The following DLG5 variants were observed in gnomAD, a reference collection of about 807,000 sequenced individuals.
DLG5 encodes the protein discs large MAGUK scaffold protein 5, also known as disks large homolog 5.
In DLG5, 48 loss-of-function variants were observed where a neutral mutation model predicts 189.8. The observed-to-expected ratio is 0.25, with a 90% CI of 0.20 to 0.32. The LOEUF is 0.32. Among genes scored for constraint, DLG5 ranks in the 10% least tolerant of loss-of-function variants. The pLI is 1.00. For synonymous variants in DLG5, 1,016 were observed against 1,054.1 expected (o/e 0.96, Z 0.70); for missense variants, 2,160 against 2,544.7 (o/e 0.85, Z 3.25).
chr10:77,810,310 G>A lies in DLG5; in HGVS notation c.4464-580C>T, dbSNP rs147857155. Among the ~76,000 whole-genome samples the A allele has an allele frequency of 4.0e-3, 602 of 152,320 alleles. 3 individuals carry two copies. The highest frequency in any genetic ancestry group is 0.024 in the Middle Eastern group (7 of 294). On this transcript the variant is annotated intron_variant, in intron 23 of 31. Coordinates refer to ENST00000372391, the MANE Select transcript of DLG5 (RefSeq NM_004747.4). ...GGGGCTTCAGGGGAGATGCCAGCCCGGGAGGAAAACCTTGCAGCAGGTAAG... is the reference window on the plus strand; with the variant it reads ...GGGGCTTCAGGGGAGATGCCAGCCCAGGAGGAAAACCTTGCAGCAGGTAAG...
intron 1 of DLG5, among the ~76,000 whole-genome samples, chr10:77,871,803 A>G (rs1844912955): frequency 6.6e-6 from 1 of 152,016 alleles, no homozygotes. Context: ...TCAGCCTCCC[A>G]AAGTGCTAGG....
chr10:77,820,167 G>C, intron 15 of DLG5, 149 bp from the exon 16 acceptor site: 3 of 1,069,930 alleles, frequency 2.8e-6, no homozygotes, highest in Non-Finnish European at 3.9e-6. Context: ...CCAACATGGC[G>C]AAATCCCGTC....
chr10:77,934,867 T>C, the DLG5 span, among the ~76,000 whole-genome samples: 7 of 150,786 alleles, frequency 4.6e-5, no homozygotes, highest in African/African-American at 1.7e-4. Context: ...TTTGTTTTTT[T>C]TTTTTTTTGA....
chr10:77,798,681 G>A (rs1483370610), intron 27 of DLG5, among the ~76,000 whole-genome samples: 2 of 152,140 alleles, frequency 1.3e-5, no homozygotes, highest in Non-Finnish European at 2.9e-5. Context: ...GTCGTGGGCC[G>A]CTCTGCTCCT....
intron 13 of DLG5, among the ~76,000 whole-genome samples, chr10:77,827,162 T>C (rs1224346561): frequency 6.6e-6 from 1 of 152,190 alleles, no homozygotes; most frequent in African/African-American, 2.4e-5. Flanking sequence ...TTGTCACGAT[T>C]TGCCTTTTGT....
chr10:77,801,866 G>A (rs1841222771), intron 27 of DLG5, among the ~76,000 whole-genome samples: 1 of 152,190 alleles, frequency 6.6e-6, no homozygotes, highest in African/African-American at 2.4e-5. Context: ...AACAAAAGAA[G>A]CGATGATTCA....
chr10:77,829,085 G>A (rs1398414540), intron 12 of DLG5, 100 bp from the exon 13 acceptor site: 9 of 1,342,414 alleles, frequency 6.7e-6, no homozygotes, highest in South Asian at 1.3e-5. Flanking sequence ...AAAAGAGGAT[G>A]TCAGCAGGCT....
In DLG5 at chr10:77,793,744, C is replaced by T. The variant is rs1451219721; in HGVS notation, c.5656+264G>A. 78 of 511,424 alleles carry T rather than the reference C, an allele frequency of 1.5e-4. No homozygotes were observed. The Admixed American group carries it at 2.6e-3, about 17-fold the overall frequency. 31.7% of individuals were successfully genotyped at this position (511,424 alleles called of 1,614,324 possible). ...AACTGCACCTGTGCTATGAGACAGA[C>T]CCACCACTGCACGTGTGAAAATGAG... is the stretch of plus-strand genomic sequence containing the variant. On this transcript the variant is annotated intron_variant, in intron 31 of 31. Transcript: ENST00000372391.
At chr10:77,814,489 A>T (rs906625553) in intron 20 of DLG5, among the ~76,000 whole-genome samples, 29 of 113,812 alleles carry the variant, frequency 2.5e-4, no homozygotes, top group African/African-American at 1.5e-3. Context: ...ATATATATAT[A>T]TATATATATA....
At position 77,842,074 on chromosome 10, in the gene DLG5, G is replaced by A; in HGVS notation, c.1244C>T (p.Ala415Val). 1 of 1,614,024 alleles carries A rather than the reference G, an allele frequency of 6.2e-7. No homozygotes were observed. Among genetic ancestry groups the A allele is most frequent in the Non-Finnish European group, 8.5e-7 (1 of 1,180,048 alleles). Residue 415 changes from alanine to valine, a missense_variant, in exon 7 of 32, where the codon GCA (alanine) becomes GTA (valine). By Grantham distance (64) the Ala-to-Val change is moderately conservative (BLOSUM62 0). Coordinates refer to ENST00000372391, the MANE Select transcript of DLG5 (RefSeq NM_004747.4). ...CTCCCTGTATTTCTCCGACTCCTTT[G>A]CTGTCTTCACCTGCGTGGTTCTCAG... Reference protein sequence around the residue: ...TELRTTQVKTAKESEKYREER... With the variant: ...TELRTTQVKTVKESEKYREER...
At chr10:77,911,966 AGGAG>A (rs1209285419) in intron 1 of DLG5, among the ~76,000 whole-genome samples, 3 of 150,732 alleles carry the variant, frequency 2.0e-5, no homozygotes, top group African/African-American at 7.3e-5. Context: ...TGGGAGGCTG[AGGAG>A]GGAGGATCAC....
intron 1 of DLG5, among the ~76,000 whole-genome samples, chr10:77,879,084 T>C (rs982466128): frequency 6.6e-6 from 1 of 151,916 alleles, no homozygotes; most frequent in African/African-American, 2.4e-5. Context: ...ACATAAACTG[T>C]ATTGGGTAGT....
chr10:77,843,814 G>T (rs997287646), intron 5 of DLG5, 108 bp from the exon 6 acceptor site: 1 of 1,438,006 alleles, frequency 7.0e-7, no homozygotes. Flanking sequence ...CAAGGCGGTT[G>T]GGGGGAGGGG....
chr10:77,922,204 A>G (rs893252558), intron 1 of DLG5, among the ~76,000 whole-genome samples: 1 of 152,142 alleles, frequency 6.6e-6, no homozygotes, highest in Non-Finnish European at 1.5e-5. Flanking sequence ...GCTCCCGGTG[A>G]CAGAGGCAGG....
In DLG5 at chr10:77,876,184, AT is replaced by A. The variant is rs200474282; in HGVS notation, c.305-6988del. ...CATCACTGCGCTAAAAAAAAAAAAA[AT>A]CATAATGATGTGGATTCCCCCTATT... is the stretch of plus-strand genomic sequence containing the variant. On this transcript the variant is annotated intron_variant, in intron 1 of 31. Coordinates refer to ENST00000372391, the MANE Select transcript of DLG5 (RefSeq NM_004747.4). Among the ~76,000 whole-genome samples, 16 of 152,146 alleles carry A rather than the reference AT, an allele frequency of 1.1e-4. No homozygotes were observed. In the East Asian group the frequency reaches 1.4e-3, roughly 13 times the overall value.
chr10:77,818,003 A>G, intron 17 of DLG5, 114 bp from the exon 18 acceptor site: 3 of 817,858 alleles, frequency 3.7e-6, no homozygotes, highest in Non-Finnish European at 3.8e-6. Context: ...AGGGAGGCCC[A>G]GGAGCCACTG....
chr10:77,864,553 C>G (rs1844600170), intron 2 of DLG5, among the ~76,000 whole-genome samples: 1 of 152,226 alleles, frequency 6.6e-6, no homozygotes, highest in Non-Finnish European at 1.5e-5. Context: ...ACTAGAGAAC[C>G]TGCTAGGCAA....
At chr10:77,808,743 T>C (rs772835075) in intron 24 of DLG5, among the ~76,000 whole-genome samples, 1 of 152,180 alleles carries the variant, frequency 6.6e-6, no homozygotes, top group Non-Finnish European at 1.5e-5. Flanking sequence ...ATGGCCTGCC[T>C]GGCTTCACAG....
intron 13 of DLG5, among the ~76,000 whole-genome samples, chr10:77,828,539 C>CA (rs1418673924): frequency 2.1e-5 from 3 of 145,578 alleles, no homozygotes; most frequent in Non-Finnish European, 4.5e-5. Flanking sequence ...CAGGTGGTAC[C>CA]AAAGCAAGTG....
Sources: allele counts gnomAD v4.1 joint callset (sites outside exome capture counted in the v4.1 genomes callset), GRCh38; gene constraint gnomAD v4.1.1; transcripts MANE v1.5; gene names NCBI Gene and HGNC (gene_info 2026-07-23, HGNC 2026-07-21).